GMPPA: variants seen among roughly 807,000 people sequenced by gnomAD.
GMPPA encodes GDP-mannose pyrophosphorylase A.
GMPPA carries 46 observed loss-of-function variants against 58.6 expected under a neutral mutation model. The observed-to-expected ratio is 0.78, with a 90% CI of 0.62 to 1.00. The LOEUF is 1.00. GMPPA is among the 50% of genes least tolerant of loss of function. The pLI is 0.00. For missense variants in GMPPA, 468 were observed against 556.4 expected (o/e 0.84, Z 1.60); for synonymous variants, 211 against 214.9 (o/e 0.98, Z 0.16).
Position 219,504,082 on chromosome 2 carries a change from G to C in GMPPA, c.490-1G>C. The C allele has an allele frequency of 1.2e-6, 2 of 1,614,098 alleles. No homozygotes were observed. Among genetic ancestry groups the C allele is most frequent in the Non-Finnish European group, 1.7e-6 (2 of 1,179,970 alleles). On this transcript the variant is annotated splice_acceptor_variant, in intron 6 of 12. Coordinates refer to ENST00000313597, the MANE Select transcript of GMPPA (RefSeq NM_013335.4). LOFTEE classifies it high-confidence loss of function. ...CTGAACCCAGCCTGCTCTGTCCTCA[G>C]GTATTGCACTATGTGGAGAAACCCA...
At chr2:219,503,813 C>T (rs965675065) in intron 6 of GMPPA, among the ~76,000 whole-genome samples, 1 of 152,098 alleles carries the variant, frequency 6.6e-6, no homozygotes, top group Non-Finnish European at 1.5e-5. Flanking sequence ...GGCATGCAGT[C>T]GGGTGGAAAT....
Position 219,502,507 on chromosome 2 carries a change from C to G in GMPPA, c.489+66C>G, listed in dbSNP as rs1575222735. ...TCATCATCCCCTCTACCTCAGGCCT[C>G]TAGAGAATGCTGGCACAGTATGGGG... is the stretch of plus-strand genomic sequence containing the variant. On this transcript the variant is annotated intron_variant, in intron 6 of 12. Coordinates refer to ENST00000313597, the MANE Select transcript of GMPPA (RefSeq NM_013335.4). The surrounding 1 kb of genome is among the most constrained non-coding windows in gnomAD (Gnocchi z 4.0). 1 of 1,272,380 alleles carries G rather than the reference C, an allele frequency of 7.9e-7. No homozygotes were observed. Among genetic ancestry groups the G allele is most frequent in the Non-Finnish European group, 1.1e-6 (1 of 876,068 alleles). 78.8% of individuals were successfully genotyped at this position (1,272,380 alleles called of 1,614,324 possible).
rs1694451252 is a variant in GMPPA, at chr2:219,502,923, T to C, written c.489+482T>C. ...TGAAACTCCCTTCTCCTAAGCCCCT[T>C]GACTTTCACATAACCCTCCCTCCTT... On this transcript the variant is annotated intron_variant, in intron 6 of 12. Transcript: ENST00000313597. This position sits in a 1 kb window ranked among gnomAD's most constrained non-coding sequence, Gnocchi z 4.0. 6.6e-6 allele frequency among the ~76,000 whole-genome samples: 1 copy of C among 152,208 alleles called. No homozygotes were observed.
chr2:219,503,056 C>T (rs1214805559), intron 6 of GMPPA, among the ~76,000 whole-genome samples: 1 of 152,112 alleles, frequency 6.6e-6, no homozygotes, highest in Non-Finnish European at 1.5e-5. Flanking sequence ...GCATCCTCGA[C>T]CTCCCAGGTT....
intron 6 of GMPPA, among the ~76,000 whole-genome samples, chr2:219,503,748 G>A (rs1694479439): frequency 6.6e-6 from 1 of 152,202 alleles, no homozygotes; most frequent in Non-Finnish European, 1.5e-5. Flanking sequence ...TGTCAACTGG[G>A]TTTGGAAAGG....
At chr2:219,501,175 A>G in intron 3 of GMPPA, 1 of 321,018 alleles carries the variant, frequency 3.1e-6, no homozygotes, top group Non-Finnish European at 5.8e-6. Flanking sequence ...AGGTGGGAGG[A>G]TCGCTTGAGC....
rs1575227497 is a variant in GMPPA, at chr2:219,506,008, G to A, written c.929G>A (p.Gly310Glu). The A allele has an allele frequency of 6.3e-7, 1 of 1,593,350 alleles. No homozygotes were observed. Residue 310 changes from glycine to glutamate, a missense_variant, in exon 11 of 13, where the codon GGG becomes GAG. Coordinates refer to ENST00000313597, the MANE Select transcript of GMPPA (RefSeq NM_013335.4). ...VLGPNVSIGK[G>E]VTVGEGVRLR... Reference sequence around the variant, plus strand: ...GGCCCCAACGTCTCCATCGGGAAGGGGGTGACCGTGGGTGAGGGTGTGCGG... The same window carrying A: ...GGCCCCAACGTCTCCATCGGGAAGGAGGTGACCGTGGGTGAGGGTGTGCGG...
intron 1 of GMPPA, 86 bp from the exon 2 acceptor site, chr2:219,499,870 G>C (rs1264804539): frequency 5.2e-6 from 5 of 969,358 alleles, no homozygotes; most frequent in Non-Finnish European, 8.4e-6. Context: ...TTTACATCTT[G>C]GGAGAGGGCT....
Position 219,506,410 on chromosome 2 carries a change from A to G in GMPPA, c.1150A>G (p.Ile384Val), listed in dbSNP as rs370710427. 105 of 1,612,478 alleles carry G rather than the reference A, an allele frequency of 6.5e-5. No homozygotes were observed. In the African/African-American group the frequency reaches 1.0e-3, roughly 16 times the overall value. Residue 384 changes from isoleucine (I) to valine (V), a missense_variant, in exon 12 of 13, where the codon ATC (isoleucine) becomes GTC (valine). Coordinates refer to ENST00000313597, the MANE Select transcript of GMPPA (RefSeq NM_013335.4). ...LFKDGKLLPA[I>V]TILGCRVRIP... is the part of the protein sequence containing the mutation. ...CAAGGACGGGAAGCTGCTGCCTGCT[A>G]TCACCATCCTGGGTATGGCTTCCTG...
chr2:219,504,436 C>A, intron 7 of GMPPA: 1 of 579,534 alleles, frequency 1.7e-6, no homozygotes, highest in Non-Finnish European at 3.1e-6. Flanking sequence ...TGCCTGCCCA[C>A]TCCCCTTCTG....
chr2:219,506,550 T>G (rs941979410), intron 12 of GMPPA, 128 bp downstream of exon 12: 1 of 1,069,754 alleles, frequency 9.3e-7, no homozygotes, highest in Non-Finnish European at 1.4e-6. Flanking sequence ...GGGCCTGCTG[T>G]GTGCCAGGCC....
intron 8 of GMPPA, 31 bp downstream of exon 8, chr2:219,505,393 A>T (rs1337282969): frequency 1.2e-6 from 2 of 1,611,780 alleles, no homozygotes; most frequent in South Asian, 2.2e-5. Flanking sequence ...TGGGGATTGA[A>T]ATTTTGGGGT....
rs746623283 is a variant in GMPPA at position 219,502,006 on chromosome 2, A to C, written c.398A>C (p.Gln133Pro). 6.2e-7 allele frequency: 1 copy of C among 1,614,228 alleles called. No homozygotes were observed. Among genetic ancestry groups the C allele is most frequent in the South Asian group, 1.1e-5 (1 of 91,092 alleles). ...LSAMLEAHRR[Q>P]RHPFLLLGTT... ...GCTATGTTGGAAGCCCACCGACGCC[A>C]GCGTCACCCTTTCTTACTCCTTGGC... Residue 133 changes from glutamine (Q) to proline (P), a missense_variant, in exon 5 of 13, where the codon CAG becomes CCG. Coordinates refer to ENST00000313597, the MANE Select transcript of GMPPA (RefSeq NM_013335.4). This position sits in a 1 kb window ranked among gnomAD's most constrained non-coding sequence, Gnocchi z 4.0.
In GMPPA at chr2:219,502,613, G is replaced by T. The variant is rs573210815; in HGVS notation, c.489+172G>T. Among the ~76,000 whole-genome samples, 19 of 151,922 alleles carry T rather than the reference G, an allele frequency of 1.3e-4. No homozygotes were observed. Among genetic ancestry groups the T allele is most frequent in the Non-Finnish European group, 2.5e-4 (17 of 67,966 alleles). ...CTTTAAGAGAGATTGACCAGGGGGAGGGGGGGAATGGTTAATTTCCCTGGG... is the reference window on the plus strand; with the variant it reads ...CTTTAAGAGAGATTGACCAGGGGGATGGGGGGAATGGTTAATTTCCCTGGG... On this transcript the variant is annotated intron_variant, in intron 6 of 12. Transcript: ENST00000313597. The surrounding 1 kb of genome is among the most constrained non-coding windows in gnomAD (Gnocchi z 4.0).
At chr2:219,500,366 A>G in intron 3 of GMPPA, 148 bp downstream of exon 3, 1 of 648,846 alleles carries the variant, frequency 1.5e-6, no homozygotes, top group East Asian at 2.7e-5. Flanking sequence ...CCCTCAAGTT[A>G]TGCTGTGCAG....
Position 219,502,578 on chromosome 2 carries a change from T to C in GMPPA, c.489+137T>C, listed in dbSNP as rs1477030518. On this transcript the variant is annotated intron_variant, in intron 6 of 12. Coordinates refer to ENST00000313597, the MANE Select transcript of GMPPA (RefSeq NM_013335.4). This position sits in a 1 kb window ranked among gnomAD's most constrained non-coding sequence, Gnocchi z 4.0. ...CAGGTGAGACACTCCCGATTAATCATCTTATATCCCTTTAAGAGAGATTGA... is the reference window on the plus strand; with the variant it reads ...CAGGTGAGACACTCCCGATTAATCACCTTATATCCCTTTAAGAGAGATTGA... 8.4e-6 allele frequency: 5 copies of C among 595,002 alleles called. No homozygotes were observed. The highest frequency in any genetic ancestry group is 7.1e-5 in the East Asian group (2 of 27,986). 36.9% of individuals were successfully genotyped at this position (595,002 alleles called of 1,614,324 possible). A position where few individuals can be genotyped will look rare whatever the true frequency, so the allele number is the denominator to read the frequency against.
intron 3 of GMPPA, 86 bp downstream of exon 3, chr2:219,500,304 C>G: frequency 1.3e-6 from 1 of 768,332 alleles, no homozygotes; most frequent in Non-Finnish European, 2.3e-6. Context: ...ACTCTTCCCA[C>G]CAGGCATAAC....
In GMPPA at chr2:219,505,573, A is replaced by G. The variant is rs369043140; in HGVS notation, c.853+18A>G. Reference sequence around the variant, plus strand: ...GATCCGAGGTACCCAGCCTGCCCCAATTCCTAACCTTTGGCTTCCACCCCA... The same window carrying G: ...GATCCGAGGTACCCAGCCTGCCCCAGTTCCTAACCTTTGGCTTCCACCCCA... On this transcript the variant is annotated intron_variant, in intron 9 of 12. Transcript: ENST00000313597. The G allele has an allele frequency of 6.4e-6, 10 of 1,569,518 alleles. No homozygotes were observed. Among genetic ancestry groups the G allele is most frequent in the Non-Finnish European group, 7.8e-6 (9 of 1,155,582 alleles).
At chr2:219,504,845 C>G (rs988102736) in intron 7 of GMPPA, 4 of 1,079,250 alleles carry the variant, frequency 3.7e-6, no homozygotes, top group Non-Finnish European at 4.5e-6. Flanking sequence ...CTGTCTCTGC[C>G]CTCACCAGCT....
Sources: gnomAD v4.1 joint callset for allele counts (sites outside exome capture counted in the v4.1 genomes callset) on GRCh38, gnomAD v4.1.1 for gene constraint, Gnocchi (gnomAD v3.1) non-coding constraint, MANE v1.5 for transcripts, NCBI Gene and HGNC (gene_info 2026-07-23, HGNC 2026-07-21) for gene names.